Variants in OSBPL9 observed in about 807,000 individuals in gnomAD.
The protein encoded by OSBPL9 is oxysterol-binding protein-related protein 9.
In OSBPL9, 40 loss-of-function variants were observed where a neutral mutation model predicts 106.6. The ratio of observed to expected loss-of-function variants is 0.38; its 90% confidence interval spans 0.29 to 0.49. OSBPL9 has a LOEUF of 0.49. Among genes scored for constraint, OSBPL9 ranks in the 20% least tolerant of loss-of-function variants. The pLI is 0.97. For synonymous variants in OSBPL9, 269 were observed against 295.4 expected (o/e 0.91, Z 0.92); for missense variants, 609 against 887.2 (o/e 0.69, Z 3.98).
intron 14 of OSBPL9, among the ~76,000 whole-genome samples, chr1:51,773,487 T>C: frequency 6.6e-6 from 1 of 152,220 alleles, no homozygotes. Flanking sequence ...GGCTGAGTCG[T>C]GTTAAGTCAT....
At chr1:51,694,978 T>G (rs1655725587) in intron 3 of OSBPL9, among the ~76,000 whole-genome samples, 1 of 152,228 alleles carries the variant, frequency 6.6e-6, no homozygotes, top group African/African-American at 2.4e-5. Flanking sequence ...AGTTTGTCAT[T>G]TGTTCTTTGT....
At position 51,787,979 on chromosome 1, in the gene OSBPL9, G is replaced by A. The variant is rs564149885; in HGVS notation, c.*190G>A. ...AAGCTTCCCTTTTCCCTCTGTGGCA[G>A]TTACGATTTTGACTTCAGTCCTGAG... On this transcript the variant is annotated 3_prime_UTR_variant, in exon 24 of 24. Transcript: ENST00000428468. The A allele has an allele frequency of 5.1e-4, 290 of 565,228 alleles. 1 individual carries two copies. The highest frequency in any genetic ancestry group is 8.1e-4 in the Non-Finnish European group (264 of 324,174). The allele number at this position is 565,228 out of a possible 1,614,324, so 35.0% of individuals were successfully genotyped here. A position where few individuals can be genotyped will look rare whatever the true frequency, so the allele number is the denominator to read the frequency against.
At chr1:51,761,993 TTA>T in intron 11 of OSBPL9, 22 bp downstream of exon 11, 2 of 1,511,432 alleles carry the variant, frequency 1.3e-6, no homozygotes, top group Non-Finnish European at 1.8e-6. Context: ...CATAATTTCT[TTA>T]TGTCTCATAA....
the OSBPL9 span, among the ~76,000 whole-genome samples, chr1:51,553,553 G>A: frequency 8.6e-5 from 13 of 151,730 alleles, no homozygotes; most frequent in Non-Finnish European, 1.5e-5. Context: ...CAAAAAAAAA[G>A]AAAATGAGCT....
chr1:51,774,267 T>G (rs1674573505), intron 14 of OSBPL9, among the ~76,000 whole-genome samples: 1 of 152,178 alleles, frequency 6.6e-6, no homozygotes, highest in Admixed American at 6.5e-5. Context: ...CACATAATTT[T>G]CTCTGCCAAA....
the OSBPL9 span, among the ~76,000 whole-genome samples, chr1:51,556,655 G>A: frequency 2.0e-5 from 3 of 151,892 alleles, no homozygotes; most frequent in Non-Finnish European, 4.4e-5. Context: ...GCATGGTGGC[G>A]GATGCCTGTA....
At chr1:51,526,839 G>C in the OSBPL9 span, among the ~76,000 whole-genome samples, 1 of 152,146 alleles carries the variant, frequency 6.6e-6, no homozygotes, top group East Asian at 1.9e-4. Context: ...CTGCCTCCCA[G>C]GTTCAAGCGA....
At chr1:51,639,780 T>C (rs1645659873) in intron 1 of OSBPL9, among the ~76,000 whole-genome samples, 1 of 150,890 alleles carries the variant, frequency 6.6e-6, no homozygotes, top group East Asian at 2.0e-4. Flanking sequence ...AATTTAAGTG[T>C]CCTCATGTAA....
Position 51,748,371 on chromosome 1 carries a change from A to G in OSBPL9, c.465A>G (p.Lys155=). 3 of 1,519,798 alleles carry G rather than the reference A, an allele frequency of 2.0e-6. No individual in the cohort carries two copies. The highest frequency in any genetic ancestry group is 2.6e-6 in the Non-Finnish European group (3 of 1,143,812). 94.1% of individuals were successfully genotyped at this position (1,519,798 alleles called of 1,614,324 possible). The change falls in exon 7 of 24, where the codon AAA becomes AAG. Residue 155 remains lysine, a splice_region_variant and synonymous_variant. Coordinates refer to ENST00000428468, the MANE Select transcript of OSBPL9 (RefSeq NM_024586.6). ...QNCKEDEQRK[K]IETLKETTNS... ...TTTAAACTTATTATTTTTCACAGAAAATTGAAACTCTCAAAGAGACAACAA... is the reference window on the plus strand; with the variant it reads ...TTTAAACTTATTATTTTTCACAGAAGATTGAAACTCTCAAAGAGACAACAA...
At chr1:51,683,058 G>C (rs12044648) in intron 3 of OSBPL9, among the ~76,000 whole-genome samples, 5 of 151,830 alleles carry the variant, frequency 3.3e-5, no homozygotes, top group Admixed American at 3.3e-4. Context: ...TGTATTTTTA[G>C]TAGAGATGGG....
At chr1:51,667,548 T>C (rs1334690444) in intron 2 of OSBPL9, among the ~76,000 whole-genome samples, 1 of 152,206 alleles carries the variant, frequency 6.6e-6, no homozygotes, top group Non-Finnish European at 1.5e-5. Flanking sequence ...TTTCGCCCTG[T>C]ATTATAGTCA....
chr1:51,723,632 G>C (rs924693527), intron 4 of OSBPL9, among the ~76,000 whole-genome samples: 3 of 151,706 alleles, frequency 2.0e-5, no homozygotes, highest in Non-Finnish European at 4.4e-5. Flanking sequence ...TTGCAGCCTT[G>C]AATTCCTGGG....
intron 3 of OSBPL9, among the ~76,000 whole-genome samples, chr1:51,683,487 A>G (rs1395522286): frequency 6.6e-6 from 1 of 151,268 alleles, no homozygotes; most frequent in African/African-American, 2.4e-5. Context: ...GCCGAGACCA[A>G]GTTTTCAAAA....
intron 3 of OSBPL9, among the ~76,000 whole-genome samples, chr1:51,698,277 TG>T (rs1656493651): frequency 6.6e-6 from 1 of 152,066 alleles, no homozygotes; most frequent in Non-Finnish European, 1.5e-5. Flanking sequence ...TGTGGGACAT[TG>T]GGGTGGCTTA....
chr1:51,560,019 C>T, the OSBPL9 span, among the ~76,000 whole-genome samples: 1 of 152,222 alleles, frequency 6.6e-6, no homozygotes, highest in African/African-American at 2.4e-5. Context: ...ACATACATGA[C>T]CTCCTTGTAC....
intron 2 of OSBPL9, among the ~76,000 whole-genome samples, chr1:51,668,653 G>A (rs6663828): frequency 0.05 from 7,593 of 152,140 alleles, 430 homozygotes; most frequent in African/African-American, 0.14. Flanking sequence ...TAATAAAAAA[G>A]TATTTTTTAA....
chr1:51,660,073 C>T (rs1255044665), intron 2 of OSBPL9, among the ~76,000 whole-genome samples: 1 of 151,870 alleles, frequency 6.6e-6, no homozygotes, highest in Non-Finnish European at 1.5e-5. Flanking sequence ...TATGATAGAG[C>T]GTTACAAATC....
At chr1:51,770,000 T>C (rs977198750) in intron 12 of OSBPL9, among the ~76,000 whole-genome samples, 1 of 152,174 alleles carries the variant, frequency 6.6e-6, no homozygotes, top group Admixed American at 6.5e-5. Context: ...ACAGAGGGTC[T>C]CACTCTATCA....
At chr1:51,544,826 T>C in the OSBPL9 span, among the ~76,000 whole-genome samples, 1 of 149,686 alleles carries the variant, frequency 6.7e-6, no homozygotes, top group Admixed American at 6.7e-5. Context: ...AAACTAACTT[T>C]AAGAGACATG....
Sources: allele counts gnomAD v4.1 joint callset (sites outside exome capture counted in the v4.1 genomes callset), GRCh38; gene constraint gnomAD v4.1.1; transcripts MANE v1.5; gene names NCBI Gene and HGNC (gene_info 2026-07-23, HGNC 2026-07-21).